ANO4: variants seen among roughly 807,000 people sequenced by gnomAD.
ANO4 encodes anoctamin-4.
Under a neutral mutation model 141.9 loss-of-function variants are expected in ANO4, and 69 were observed. The ratio of observed to expected loss-of-function variants is 0.49; its 90% CI spans 0.40 to 0.59. The LOEUF (loss-of-function observed/expected upper bound fraction) is 0.59. Among genes scored for constraint, ANO4 ranks in the 20% least tolerant of loss-of-function variants. The pLI is 0.00. For missense variants in ANO4, 894 were observed against 1,162.2 expected, an observed-to-expected ratio of 0.77 and a Z score of 3.36; for synonymous variants, 350 against 394.3, an observed-to-expected ratio of 0.89 and a Z score of 1.33.
At chr12:100,965,319 A>G (rs1206879438) in intron 5 of ANO4, among the ~76,000 whole-genome samples, 2 of 152,024 alleles carry the variant, frequency 1.3e-5, no homozygotes, top group East Asian at 3.9e-4. Flanking sequence ...CCTCCACTAG[A>G]TCTCAAGTCC....
intron 14 of ANO4, among the ~76,000 whole-genome samples, chr12:101,057,740 T>G (rs2048180309): frequency 6.6e-6 from 1 of 152,238 alleles, no homozygotes; most frequent in South Asian, 2.1e-4. Flanking sequence ...TTGTTTAAGT[T>G]GCTTGTAGAT....
chr12:100,775,427 G>A (rs1000619968), intron 3 of ANO4, among the ~76,000 whole-genome samples: 1 of 152,092 alleles, frequency 6.6e-6, no homozygotes, highest in Non-Finnish European at 1.5e-5. Context: ...TAGTTGCTTT[G>A]CATTCTTTAT....
At chr12:100,796,782 T>C (rs1004808440) in intron 1 of ANO4, among the ~76,000 whole-genome samples, 1 of 151,988 alleles carries the variant, frequency 6.6e-6, no homozygotes, top group Non-Finnish European at 1.5e-5. Context: ...CTTTAATTCT[T>C]TAATGTTTAG....
intron 1 of ANO4, among the ~76,000 whole-genome samples, chr12:100,899,540 C>T (rs927060297): frequency 2.0e-5 from 3 of 152,148 alleles, no homozygotes; most frequent in African/African-American, 7.2e-5. Flanking sequence ...TGAGTGCTGC[C>T]TATATTTGTT....
chr12:100,859,637 T>C lies in ANO4; in HGVS notation c.-140-42009T>C, dbSNP rs2038368722. On this transcript the variant is annotated intron_variant, in intron 1 of 27. Transcript: ENST00000392977. ...TTTTAAAGCATTCACTCAAAAAGAATGTATTTTGTTTGCATCCATATAGTA... is the reference window on the plus strand; with the variant it reads ...TTTTAAAGCATTCACTCAAAAAGAACGTATTTTGTTTGCATCCATATAGTA... Among the ~76,000 whole-genome samples the C allele has an allele frequency of 2.6e-5, 4 of 152,182 alleles. No individual in the cohort carries two copies. In the South Asian group the frequency reaches 6.2e-4, roughly 24 times the overall value.
intron 2 of ANO4, among the ~76,000 whole-genome samples, chr12:100,910,036 T>C (rs779736899): frequency 2.6e-5 from 4 of 152,150 alleles, no homozygotes; most frequent in African/African-American, 7.2e-5. Flanking sequence ...TCCTAAATAT[T>C]GCATACGACA....
intron 3 of ANO4, among the ~76,000 whole-genome samples, chr12:100,932,236 A>G (rs1001110414): frequency 1.1e-4 from 16 of 152,256 alleles, no homozygotes; most frequent in African/African-American, 3.6e-4. Context: ...TGTAATATCA[A>G]GGTGGGGTTA....
At chr12:101,002,575 C>T (rs2045694774) in intron 8 of ANO4, among the ~76,000 whole-genome samples, 1 of 152,184 alleles carries the variant, frequency 6.6e-6, no homozygotes, top group Admixed American at 6.5e-5. Context: ...TTTCCTCTTC[C>T]CAAGGTGTGC....
exon 1 of ANO4, chr12:100,717,547 G>A (rs1466303132): frequency 2.5e-6 from 1 of 399,704 alleles, no homozygotes; most frequent in Non-Finnish European, 4.4e-6. Context: ...CACCGCATAC[G>A]GTAACTGGGG....
In ANO4 at chr12:100,890,285, G is replaced by A. The variant is rs570984331; in HGVS notation, c.-140-11361G>A. On this transcript the variant is annotated intron_variant, in intron 1 of 27. Coordinates refer to ENST00000392977, the MANE Select transcript of ANO4 (RefSeq NM_001286615.2). ...TACAAGATAGACCCAGAATATGCAC[G>A]AATATCCATTCAACACAAAAGTCCA... is the stretch of plus-strand genomic sequence containing the variant. Among the ~76,000 whole-genome samples the A allele has an allele frequency of 2.2e-4, 33 of 152,156 alleles. No homozygotes were observed. The East Asian group carries it at 5.8e-3, about 27-fold the overall frequency.
intron 26 of ANO4, among the ~76,000 whole-genome samples, chr12:101,125,789 G>A (rs886345462): frequency 3.9e-5 from 6 of 152,170 alleles, no homozygotes; most frequent in African/African-American, 9.7e-5. Context: ...GCTGGATTTG[G>A]TTTGCCAGTA....
chr12:101,112,344 C>G (rs764033129), intron 24 of ANO4, among the ~76,000 whole-genome samples: 5 of 152,148 alleles, frequency 3.3e-5, no homozygotes, highest in Non-Finnish European at 5.9e-5. Flanking sequence ...TTTGCAAAGC[C>G]AGGGCACGCT....
chr12:100,764,726 A>T (rs2033007447), intron 3 of ANO4, among the ~76,000 whole-genome samples: 1 of 152,214 alleles, frequency 6.6e-6, no homozygotes, highest in Non-Finnish European at 1.5e-5. Context: ...TCACCTGGTA[A>T]TTACCTTAGC....
chr12:100,795,350 C>G (rs1305710702), intron 1 of ANO4, among the ~76,000 whole-genome samples: 1 of 152,156 alleles, frequency 6.6e-6, no homozygotes, highest in Non-Finnish European at 1.5e-5. Context: ...GGATGACTGA[C>G]AAATTTGGGC....
chr12:100,829,520 C>T (rs1278084109), intron 1 of ANO4, among the ~76,000 whole-genome samples: 1 of 152,000 alleles, frequency 6.6e-6, no homozygotes, highest in Non-Finnish European at 1.5e-5. Context: ...ACTTTTTCCT[C>T]CCTTAACATA....
chr12:101,017,696 GC>G, intron 8 of ANO4, among the ~76,000 whole-genome samples: 1 of 152,298 alleles, frequency 6.6e-6, no homozygotes, highest in Non-Finnish European at 1.5e-5. Flanking sequence ...TGCTGGTTCA[GC>G]CCTTTTTTAG....
At chr12:100,719,940 C>T (rs1270795234) in intron 1 of ANO4, among the ~76,000 whole-genome samples, 1 of 152,156 alleles carries the variant, frequency 6.6e-6, no homozygotes, top group Non-Finnish European at 1.5e-5. Context: ...GTAATCCCCA[C>T]CGGTAAAAAT....
At chr12:101,009,076 C>T (rs1225763614) in intron 8 of ANO4, among the ~76,000 whole-genome samples, 1 of 152,078 alleles carries the variant, frequency 6.6e-6, no homozygotes, top group Non-Finnish European at 1.5e-5. Flanking sequence ...TTGTGACCTT[C>T]TGAAATTCAC....
At chr12:100,846,644 A>G (rs1360042752) in intron 1 of ANO4, among the ~76,000 whole-genome samples, 5 of 152,312 alleles carry the variant, frequency 3.3e-5, no homozygotes, top group East Asian at 1.9e-4. Context: ...AGAGCTAATT[A>G]TAAATTGGGA....
Sources: allele counts gnomAD v4.1 joint callset (sites outside exome capture counted in the v4.1 genomes callset), GRCh38; gene constraint gnomAD v4.1.1; transcripts MANE v1.5; gene names NCBI Gene and HGNC (gene_info 2026-07-23, HGNC 2026-07-21).